MBD5: variants seen among roughly 807,000 people sequenced by gnomAD.
The protein encoded by MBD5 is methyl-CpG-binding domain protein 5.
Under a neutral mutation model 117.3 loss-of-function variants are expected in MBD5, and 13 were observed. That is an observed-to-expected ratio of 0.11 (90% CI 0.07 to 0.18). The LOEUF is 0.18. MBD5 is among the 10% of genes least tolerant of loss of function. The probability of loss-of-function intolerance (pLI) is 1.00; values close to 1 mark genes in which losing one functional copy is unlikely to be tolerated. For missense variants in MBD5, 1,879 were observed against 2,093.8 expected, an observed-to-expected ratio of 0.90 and a Z score of 2.00; for synonymous variants, 727 against 766.4, an observed-to-expected ratio of 0.95 and a Z score of 0.85.
chr2:148,179,281 G>A, intron 2 of MBD5, among the ~76,000 whole-genome samples: 1 of 151,586 alleles, frequency 6.6e-6, no homozygotes. Flanking sequence ...CGTGAACCCG[G>A]GAGGCGGAGC....
chr2:148,168,417 G>T (rs756382454), intron 1 of MBD5, among the ~76,000 whole-genome samples: 54 of 152,114 alleles, frequency 3.5e-4, no homozygotes, highest in Non-Finnish European at 5.7e-4. Flanking sequence ...AATTCCCGTT[G>T]GTAGTCATAA....
intron 9 of MBD5, chr2:148,485,068 AG>A (rs1225358955): frequency 2.0e-5 from 3 of 152,198 alleles, no homozygotes; most frequent in Non-Finnish European, 4.4e-5. Context: ...ATTCTCCTCA[AG>A]AAAATGTCAG....
At chr2:148,393,136 A>G (rs1276945666) in intron 4 of MBD5, among the ~76,000 whole-genome samples, 1 of 152,152 alleles carries the variant, frequency 6.6e-6, no homozygotes, top group Non-Finnish European at 1.5e-5. Context: ...CTAAAGATAA[A>G]GGCCTTGTAA....
intron 4 of MBD5, among the ~76,000 whole-genome samples, chr2:148,375,121 C>A (rs80307024): frequency 0.12 from 18,907 of 152,186 alleles, 1,558 homozygotes; most frequent in Non-Finnish European, 0.19. Flanking sequence ...ATACAGTAAG[C>A]ACCAGATTCA....
intron 3 of MBD5, among the ~76,000 whole-genome samples, chr2:148,329,981 A>G (rs561503385): frequency 7.9e-5 from 12 of 151,224 alleles, no homozygotes; most frequent in African/African-American, 2.7e-4. Context: ...AACATTGAAG[A>G]TAATACCGAT....
At position 148,307,399 on chromosome 2, in the gene MBD5, C is replaced by CA. The variant is rs1035605488; in HGVS notation, c.-679-34812dup. ...TTGATTATACAAAATTTCTTTTTCA[C>CA]AAACTTTTACAACCATTTTACATCC... On this transcript the variant is annotated intron_variant, in intron 3 of 13. Transcript: ENST00000642680. 3.9e-4 allele frequency among the ~76,000 whole-genome samples: 6 copies of CA among 15,334 alleles called. No homozygotes were observed. The Non-Finnish European group carries it at 0.024, about 62-fold the overall frequency. 10.1% of individuals were successfully genotyped at this position (15,334 alleles called of 152,430 possible).
intron 3 of MBD5, among the ~76,000 whole-genome samples, chr2:148,284,328 C>G (rs1181028670): frequency 1.3e-5 from 2 of 152,054 alleles, no homozygotes; most frequent in African/African-American, 4.8e-5. Context: ...TGTATATGCA[C>G]AGGATATCTC....
intron 4 of MBD5, among the ~76,000 whole-genome samples, chr2:148,457,360 A>G (rs1706917142): frequency 6.6e-6 from 1 of 152,162 alleles, no homozygotes; most frequent in Non-Finnish European, 1.5e-5. Context: ...AGTATATTAA[A>G]TTGGTCATAA....
chr2:148,255,694 C>T (rs931668542), intron 3 of MBD5, among the ~76,000 whole-genome samples: 6 of 152,192 alleles, frequency 3.9e-5, no homozygotes, highest in African/African-American at 7.2e-5. Context: ...GCTGCCTTTC[C>T]GTGGCCATTC....
At chr2:148,328,146 G>A (rs945027576) in intron 3 of MBD5, among the ~76,000 whole-genome samples, 35 of 152,302 alleles carry the variant, frequency 2.3e-4, no homozygotes, top group African/African-American at 7.5e-4. Flanking sequence ...TCCTAGTTAG[G>A]CTGCTCGGGG....
At chr2:148,204,498 C>A (rs1309608911) in intron 2 of MBD5, among the ~76,000 whole-genome samples, 1 of 151,818 alleles carries the variant, frequency 6.6e-6, no homozygotes, top group Non-Finnish European at 1.5e-5. Context: ...TACCATGGAC[C>A]AGGGAAAGTT....
intron 4 of MBD5, among the ~76,000 whole-genome samples, chr2:148,377,574 C>A (rs186716572): frequency 6.6e-6 from 1 of 152,192 alleles, no homozygotes; most frequent in Non-Finnish European, 1.5e-5. Context: ...ACTTTCTCTG[C>A]GTTTCTTACA....
At chr2:148,475,957 T>C (rs983138864) in intron 8 of MBD5, among the ~76,000 whole-genome samples, 10 of 152,178 alleles carry the variant, frequency 6.6e-5, no homozygotes, top group African/African-American at 2.4e-4. Context: ...AAAAATTATT[T>C]CTAAGCCTTA....
rs529213098 is a variant in MBD5 at position 148,153,074 on chromosome 2, G to T, written c.-924-25626G>T. On this transcript the variant is annotated intron_variant, in intron 1 of 13. Transcript: ENST00000642680. ...TTTTGGCATGATTTTGCAGCGGCTG[G>T]TACCGATTATTCCTTTCCATGTTTA... Among the ~76,000 whole-genome samples, 7 of 151,956 alleles carry T rather than the reference G, an allele frequency of 4.6e-5. No homozygotes were observed. In the South Asian group the frequency reaches 1.5e-3, roughly 32 times the overall value.
At chr2:148,087,383 A>G (rs2105204201) in intron 1 of MBD5, among the ~76,000 whole-genome samples, 1 of 152,358 alleles carries the variant, frequency 6.6e-6, no homozygotes, top group South Asian at 2.1e-4. Context: ...GAGTTTGTCC[A>G]TGTGACTGTC....
At chr2:148,461,226 C>T (rs1707067634) in intron 5 of MBD5, among the ~76,000 whole-genome samples, 1 of 152,142 alleles carries the variant, frequency 6.6e-6, no homozygotes, top group Admixed American at 6.6e-5. Flanking sequence ...AGCCACTGCA[C>T]TCAGCCTGAC....
chr2:148,300,554 A>C (rs1701757912), intron 3 of MBD5, among the ~76,000 whole-genome samples: 1 of 152,018 alleles, frequency 6.6e-6, no homozygotes, highest in Non-Finnish European at 1.5e-5. Context: ...AGTTTTTCTC[A>C]ATTTTGTCTG....
chr2:148,317,397 T>G (rs1702180586), intron 3 of MBD5, among the ~76,000 whole-genome samples: 1 of 151,984 alleles, frequency 6.6e-6, no homozygotes. Context: ...TAACCACATC[T>G]AAAGAACCAT....
At chr2:148,437,890 T>C (rs1268548341) in intron 4 of MBD5, among the ~76,000 whole-genome samples, 2 of 152,206 alleles carry the variant, frequency 1.3e-5, no homozygotes, top group Non-Finnish European at 2.9e-5. Context: ...AAAGCCTTAA[T>C]AGGTCACCAC....
Sources: gnomAD v4.1 joint callset for allele counts (sites outside exome capture counted in the v4.1 genomes callset) on GRCh38, gnomAD v4.1.1 for gene constraint, MANE v1.5 for transcripts, NCBI Gene and HGNC (gene_info 2026-07-23, HGNC 2026-07-21) for gene names.